Variants in XKR7 observed in about 807,000 individuals in gnomAD.
XKR7 encodes the protein XK related 7, also known as XK-related protein 7.
In XKR7, 11 loss-of-function variants were observed where a neutral mutation model predicts 42.2. That is an observed-to-expected ratio of 0.26 (90% CI 0.16 to 0.43). The LOEUF is 0.43. XKR7 is among the 20% of genes least tolerant of loss of function. The pLI, the probability that XKR7 is intolerant of heterozygous loss-of-function variation, is 1.00. For missense variants in XKR7, 710 were observed against 802.2 expected (o/e 0.89, Z 1.39); for synonymous variants, 346 against 366.4 (o/e 0.94, Z 0.64).
rs1253002991 is a variant in XKR7 at position 31,968,259 on chromosome 20, C to A, written c.84C>A (p.Gly28=). ...GAAGGARGSA[G]GRGEAAAAAG... Reference sequence around the variant, plus strand: ...CCGGTGGAGCCCGGGGCAGTGCCGGCGGGCGCGGGGAGGCGGCGGCGGCGG... The same window carrying A: ...CCGGTGGAGCCCGGGGCAGTGCCGGAGGGCGCGGGGAGGCGGCGGCGGCGG... The change falls in exon 1 of 3, where the codon GGC becomes GGA. Residue 28 remains glycine (G), a synonymous_variant. Transcript: ENST00000562532. This position sits in a 1 kb window ranked among gnomAD's most constrained non-coding sequence, Gnocchi z 4.5. The A allele has an allele frequency of 8.8e-7, 1 of 1,135,118 alleles. No homozygotes were observed. The highest frequency in any genetic ancestry group is 1.1e-6 in the Non-Finnish European group (1 of 926,940). The allele number at this position is 1,135,118 out of a possible 1,614,324, so 70.3% of individuals were successfully genotyped here.
intron 1 of XKR7, among the ~76,000 whole-genome samples, chr20:31,983,803 C>T (rs542920457): frequency 6.3e-4 from 96 of 152,094 alleles, no homozygotes; most frequent in Non-Finnish European, 1.2e-3. Context: ...AAAAATTAGC[C>T]AGGCATGGTG....
At chr20:31,970,120 T>G (rs914041295) in intron 1 of XKR7, 8 of 152,252 alleles carry the variant, frequency 5.3e-5, no homozygotes, top group East Asian at 3.8e-4. Context: ...CAAGGTGGTG[T>G]TATTATTATT....
chr20:31,998,159 C>T lies in XKR7; in HGVS notation c.*702C>T, dbSNP rs1266029672. The stretch of plus-strand genomic sequence containing the variant: ...GGGGAACCTGCAATCCAGAGCATAG[C>T]GAACAAGAATGAACTCCTTAGGAGA... On this transcript the variant is annotated 3_prime_UTR_variant, in exon 3 of 3. Coordinates refer to ENST00000562532, the MANE Select transcript of XKR7 (RefSeq NM_001011718.2). The T allele has an allele frequency of 6.6e-6, 1 of 151,530 alleles. No homozygotes were observed. The highest frequency in any genetic ancestry group is 2.4e-5 in the African/African-American group (1 of 41,078). 9.4% of individuals were successfully genotyped at this position (151,530 alleles called of 1,614,324 possible).
chr20:31,968,742 G>T lies in XKR7; in HGVS notation c.567G>T (p.Gln189His). ...WLLQTLVHLL[Q>H]LGQVWRYLRA... is the part of the protein sequence containing the mutation. The stretch of plus-strand genomic sequence containing the variant: ...TGCAGACCCTCGTCCACCTCCTGCA[G>T]CTCGGCCAGGTCTGGAGGTAGGAGA... The change falls in exon 1 of 3, where the codon CAG (glutamine) becomes CAT (histidine). Residue 189 changes from glutamine (Q) to histidine (H), a missense_variant. This residue lies in a region of XKR7 where 708 missense variants were observed against 786.2 expected (regional missense o/e 0.90). Transcript: ENST00000562532. This position sits in a 1 kb window ranked among gnomAD's most constrained non-coding sequence, Gnocchi z 4.5. 1.3e-6 allele frequency: 2 copies of T among 1,535,302 alleles called. No individual in the cohort carries two copies. Among genetic ancestry groups the T allele is most frequent in the Non-Finnish European group, 8.7e-7 (1 of 1,148,580 alleles).
intron 1 of XKR7, among the ~76,000 whole-genome samples, chr20:31,974,335 C>A (rs993024233): frequency 4.2e-4 from 64 of 152,126 alleles, no homozygotes; most frequent in Non-Finnish European, 1.0e-4. Context: ...TGGGGGTCTG[C>A]TTCAGGCTGA....
Position 31,995,762 on chromosome 20 carries a change from C to A in XKR7, c.787+492C>A, listed in dbSNP as rs1197868795. On this transcript the variant is annotated intron_variant, in intron 2 of 2. Transcript: ENST00000562532. This position sits in a 1 kb window ranked among gnomAD's most constrained non-coding sequence, Gnocchi z 4.1. ...CCGGGGGGCCCTCCCAGGCCTAGTC[C>A]TGGCACCCATCCCCTCCTCCTCCCT... Among the ~76,000 whole-genome samples the A allele has an allele frequency of 6.6e-6, 1 of 151,998 alleles. No individual in the cohort carries two copies. The highest frequency in any genetic ancestry group is 1.5e-5 in the Non-Finnish European group (1 of 67,968).
intron 1 of XKR7, among the ~76,000 whole-genome samples, chr20:31,983,064 C>A (rs1246639674): frequency 2.0e-5 from 3 of 152,240 alleles, no homozygotes; most frequent in Non-Finnish European, 4.4e-5. Flanking sequence ...CCAGGCCTGA[C>A]TCTTTCACCT....
At chr20:31,985,360 G>A (rs1416894393) in intron 1 of XKR7, among the ~76,000 whole-genome samples, 1 of 152,122 alleles carries the variant, frequency 6.6e-6, no homozygotes, top group Non-Finnish European at 1.5e-5. Flanking sequence ...ACACACACTC[G>A]GAAATGCTGA....
intron 1 of XKR7, among the ~76,000 whole-genome samples, chr20:31,978,222 C>T (rs1354284393): frequency 6.6e-6 from 1 of 152,180 alleles, no homozygotes; most frequent in African/African-American, 2.4e-5. Context: ...CCTCCTGCCT[C>T]AGCCTCCTGA....
intron 1 of XKR7, among the ~76,000 whole-genome samples, chr20:31,986,391 G>A (rs1207015985): frequency 6.9e-6 from 1 of 143,894 alleles, no homozygotes; most frequent in African/African-American, 2.6e-5. Context: ...CCAAGACACA[G>A]ACAGACCACC....
At chr20:31,994,933 C>T in intron 1 of XKR7, 135 bp from the exon 2 acceptor site, 5 of 1,425,518 alleles carry the variant, frequency 3.5e-6, no homozygotes, top group Non-Finnish European at 2.8e-6. Context: ...TTTCGAAATG[C>T]CCATTTCACA....
intron 1 of XKR7, among the ~76,000 whole-genome samples, chr20:31,978,056 T>G (rs1056305800): frequency 1.3e-5 from 2 of 152,194 alleles, no homozygotes; most frequent in African/African-American, 4.8e-5. Context: ...AAATCCAGCC[T>G]CAAGAGTGTT....
At position 31,997,608 on chromosome 20, in the gene XKR7, AG is replaced by A; in HGVS notation, c.*156del. On this transcript the variant is annotated 3_prime_UTR_variant, in exon 3 of 3. Transcript: ENST00000562532. ...CCCCACTCTTGGGTTCTTTCAGGGG[AG>A]GGGGCAGCCTTGCGGAGGCCCCAGC... 2.6e-6 allele frequency: 2 copies of A among 763,474 alleles called. No individual in the cohort carries two copies. The highest frequency in any genetic ancestry group is 1.9e-5 in the South Asian group (1 of 52,584). The allele number at this position is 763,474 out of a possible 1,614,324, so 47.3% of individuals were successfully genotyped here.
chr20:31,987,470 C>G (rs551335379), intron 1 of XKR7, among the ~76,000 whole-genome samples: 1 of 147,710 alleles, frequency 6.8e-6, no homozygotes, highest in Non-Finnish European at 1.5e-5. Context: ...ACCCAGTATC[C>G]AAGGCACAGA....
chr20:32,000,180 G>C lies in XKR7; in HGVS notation c.*2723G>C, dbSNP rs1156931687. 1 of 152,380 alleles carries C rather than the reference G, an allele frequency of 6.6e-6. No individual in the cohort carries two copies. Among genetic ancestry groups the C allele is most frequent in the Non-Finnish European group, 1.5e-5 (1 of 68,194 alleles). 9.4% of individuals were successfully genotyped at this position (152,380 alleles called of 1,614,324 possible). On this transcript the variant is annotated 3_prime_UTR_variant, in exon 3 of 3. Transcript: ENST00000562532. ...TAAAGGACTCTCCACCCAGGAGCTC[G>C]GGACCAGGCCTGAGGCCCCCTGCTC...
At position 31,999,101 on chromosome 20, in the gene XKR7, G is replaced by A. The variant is rs1336018294; in HGVS notation, c.*1644G>A. 12 of 150,414 alleles carry A rather than the reference G, an allele frequency of 8.0e-5. No individual in the cohort carries two copies. The Admixed American group carries it at 8.0e-4, about 10-fold the overall frequency. The allele number at this position is 150,414 out of a possible 1,614,324, so 9.3% of individuals were successfully genotyped here. A position where few individuals can be genotyped will look rare whatever the true frequency, so the allele number is the denominator to read the frequency against. On this transcript the variant is annotated 3_prime_UTR_variant, in exon 3 of 3. Transcript: ENST00000562532. Reference sequence around the variant, plus strand: ...TTGGTGGGAGAGGACAGCAGCGGATGTTAAGGACAGATGCCAACCTGATCC... The same window carrying A: ...TTGGTGGGAGAGGACAGCAGCGGATATTAAGGACAGATGCCAACCTGATCC...
rs1416739217 is a variant in XKR7 at position 31,968,270 on chromosome 20, A to G, written c.95A>G (p.Glu32Gly). The G allele has an allele frequency of 1.7e-6, 2 of 1,157,000 alleles. No individual in the cohort carries two copies. Among genetic ancestry groups the G allele is most frequent in the Non-Finnish European group, 2.1e-6 (2 of 941,300 alleles). 71.7% of individuals were successfully genotyped at this position (1,157,000 alleles called of 1,614,324 possible). Residue 32 changes from glutamate to glycine, a missense_variant, in exon 1 of 3, where the codon GAG becomes GGG. Around this residue, in one of 2 missense-constraint regions of XKR7, gnomAD observed 708 missense variants for 786.2 expected, o/e 0.90. Transcript: ENST00000562532. This position sits in a 1 kb window ranked among gnomAD's most constrained non-coding sequence, Gnocchi z 4.5. ...GARGSAGGRGEAAAAAGPPGV... is the reference protein window; with the variant it reads ...GARGSAGGRGGAAAAAGPPGV... ...CGGGGCAGTGCCGGCGGGCGCGGGG[A>G]GGCGGCGGCGGCGGCCGGGCCCCCG...
At chr20:31,980,130 A>AG (rs954563619) in intron 1 of XKR7, among the ~76,000 whole-genome samples, 6 of 109,306 alleles carry the variant, frequency 5.5e-5, no homozygotes, top group African/African-American at 2.4e-4. Context: ...GCTTTAGCCC[A>AG]GAAAAAAAAA....
intron 1 of XKR7, among the ~76,000 whole-genome samples, chr20:31,977,829 G>T (rs2064492513): frequency 6.6e-6 from 1 of 152,204 alleles, no homozygotes; most frequent in Admixed American, 6.5e-5. Context: ...GTTCCCGAGG[G>T]TGTGAACTCC....
Sources: gnomAD v4.1 joint callset for allele counts (sites outside exome capture counted in the v4.1 genomes callset) on GRCh38, gnomAD v4.1.1 for gene constraint, gnomAD v4.1.1 regional missense constraint, Gnocchi (gnomAD v3.1) non-coding constraint, MANE v1.5 for transcripts, NCBI Gene and HGNC (gene_info 2026-07-23, HGNC 2026-07-21) for gene names.